CPXM2: variants seen among roughly 807,000 people sequenced by gnomAD.
The protein encoded by CPXM2 is inactive carboxypeptidase-like protein X2.
In CPXM2, 66 loss-of-function variants were observed where a neutral mutation model predicts 86.1. The ratio of observed to expected loss-of-function variants is 0.77; its 90% CI spans 0.63 to 0.94. CPXM2 has a LOEUF of 0.94. Among genes scored for constraint, CPXM2 ranks in the 40% least tolerant of loss-of-function variants. The pLI is 0.00. For missense variants in CPXM2, 948 were observed against 1,026.3 expected (o/e 0.92, Z 1.04); for synonymous variants, 388 against 400.2 (o/e 0.97, Z 0.36).
At chr10:123,764,650 C>T (rs564930735) in intron 10 of CPXM2, among the ~76,000 whole-genome samples, 30 of 152,172 alleles carry the variant, frequency 2.0e-4, no homozygotes, top group African/African-American at 6.7e-4. Context: ...CCATGCCTGG[C>T]TAATTTTTGT....
chr10:123,853,250 T>C (rs1184794056), intron 3 of CPXM2, among the ~76,000 whole-genome samples: 2 of 152,240 alleles, frequency 1.3e-5, no homozygotes, highest in Non-Finnish European at 2.9e-5. Context: ...CAATGTTTCC[T>C]GTACAGCCTA....
rs773882517 is a variant in CPXM2, at chr10:123,882,701, C to A, written c.305-2392G>T. ...ATGGAACAGGCAGTGAGAGAGGGAG[C>A]CAGGCGGTCCCCCAGCACTATGGCC... On this transcript the variant is annotated intron_variant, in intron 1 of 13. Coordinates refer to ENST00000241305, the MANE Select transcript of CPXM2 (RefSeq NM_198148.3). Among the ~76,000 whole-genome samples, 5 of 152,238 alleles carry A rather than the reference C, an allele frequency of 3.3e-5. No individual in the cohort carries two copies. In the South Asian group the frequency reaches 8.3e-4, roughly 25 times the overall value.
chr10:123,920,510 A>G (rs1011436156), intron 2 of CPXM2, among the ~76,000 whole-genome samples: 1 of 152,238 alleles, frequency 6.6e-6, no homozygotes, highest in African/African-American at 2.4e-5. Flanking sequence ...ATTATGTCCA[A>G]AAATACTATG....
At chr10:123,774,314 G>C (rs575543250) in intron 7 of CPXM2, among the ~76,000 whole-genome samples, 24 of 152,230 alleles carry the variant, frequency 1.6e-4, no homozygotes, top group Non-Finnish European at 2.5e-4. Context: ...GTGGAACTGA[G>C]TGCGTTCTAG....
intron 4 of CPXM2, among the ~76,000 whole-genome samples, chr10:123,808,365 CA>C (rs1310822401): frequency 7.3e-6 from 1 of 136,900 alleles, no homozygotes; most frequent in East Asian, 2.0e-4. Context: ...ACAAAAACAA[CA>C]ACAACAACAA....
At chr10:123,916,968 T>C (rs941204969) in intron 2 of CPXM2, among the ~76,000 whole-genome samples, 2 of 151,674 alleles carry the variant, frequency 1.3e-5, no homozygotes, top group African/African-American at 4.8e-5. Flanking sequence ...ATTCCAGTTG[T>C]TTGCTGGAGG....
Position 123,746,509 on chromosome 10 carries a change from G to A in CPXM2, c.*255C>T. The A allele has an allele frequency of 2.0e-6, 1 of 512,088 alleles. No individual in the cohort carries two copies. Among genetic ancestry groups the A allele is most frequent in the Non-Finnish European group, 3.5e-6 (1 of 289,752 alleles). 31.7% of individuals were successfully genotyped at this position (512,088 alleles called of 1,614,324 possible). ...CCTTCTCTCTCTGATTCCCAGGTTG[G>A]CTTGCTGAGTTCTCTCACTCCCATC... On this transcript the variant is annotated 3_prime_UTR_variant, in exon 14 of 14. Transcript: ENST00000241305.
At position 123,794,005 on chromosome 10, in the gene CPXM2, A is replaced by G. The variant is rs193299327; in HGVS notation, c.889+3971T>C. On this transcript the variant is annotated intron_variant, in intron 6 of 13. Transcript: ENST00000241305. ...GACAGGCGGTGGCCTTACAATTAAAATAGCTTTTCAATAATTATGAACCAG... is the reference window on the plus strand; with the variant it reads ...GACAGGCGGTGGCCTTACAATTAAAGTAGCTTTTCAATAATTATGAACCAG... Among the ~76,000 whole-genome samples the G allele has an allele frequency of 2.6e-3, 393 of 152,368 alleles. 4 individuals carry two copies. The Middle Eastern group carries it at 0.027, about 11-fold the overall frequency.
At chr10:123,867,679 C>T (rs971006933) in intron 2 of CPXM2, among the ~76,000 whole-genome samples, 2 of 151,998 alleles carry the variant, frequency 1.3e-5, no homozygotes, top group African/African-American at 4.8e-5. Context: ...ATTATAGGCG[C>T]CTGCAACCAT....
chr10:123,891,367 G>A lies in CPXM2; in HGVS notation c.293C>T (p.Pro98Leu). Residue 98 changes from proline to leucine, a missense_variant, in exon 1 of 14, where the codon CCG becomes CTG. Pro to Leu is a moderately conservative substitution (Grantham distance 98). Transcript: ENST00000241305. The surrounding 1 kb of genome is among the most constrained non-coding windows in gnomAD (Gnocchi z 5.6). ...AGAAAGTTCCTTACCTGGTGGAGGC[G>A]GCTCCGGAGCCGACTTCTCCCTCTT... ...APKREKSAPE[P>L]PPPGKHSNKK... The A allele has an allele frequency of 6.4e-7, 1 of 1,551,148 alleles. No homozygotes were observed. Among genetic ancestry groups the A allele is most frequent in the South Asian group, 1.2e-5 (1 of 83,600 alleles).
intron 6 of CPXM2, among the ~76,000 whole-genome samples, chr10:123,791,687 G>A (rs1412818048): frequency 6.6e-6 from 1 of 152,192 alleles, no homozygotes; most frequent in East Asian, 1.9e-4. Context: ...GATAACATTT[G>A]TAAAGACCCT....
intron 1 of CPXM2, among the ~76,000 whole-genome samples, chr10:123,889,134 A>C (rs1217210482): frequency 6.6e-6 from 1 of 152,166 alleles, no homozygotes; most frequent in Non-Finnish European, 1.5e-5. Flanking sequence ...GACTAAAGAG[A>C]GTCACTTCCC....
intron 4 of CPXM2, among the ~76,000 whole-genome samples, chr10:123,812,573 A>T (rs1376025942): frequency 1.3e-5 from 2 of 152,138 alleles, no homozygotes; most frequent in Admixed American, 1.3e-4. Context: ...GGGGTCCCCA[A>T]CCCCTGGACC....
At chr10:123,842,291 AC>A (rs1848402117) in intron 4 of CPXM2, 57 bp downstream of exon 4, 5 of 1,607,372 alleles carry the variant, frequency 3.1e-6, no homozygotes, top group Non-Finnish European at 4.3e-6. Flanking sequence ...GTCTGTCCAG[AC>A]CCTCAAAAGC....
At chr10:123,821,534 T>C (rs976824961) in intron 4 of CPXM2, among the ~76,000 whole-genome samples, 5 of 152,188 alleles carry the variant, frequency 3.3e-5, no homozygotes, top group Non-Finnish European at 7.3e-5. Flanking sequence ...ACCACGTAAG[T>C]GTGTTCCCAC....
intron 4 of CPXM2, among the ~76,000 whole-genome samples, chr10:123,815,824 A>G (rs549896871): frequency 1.3e-5 from 2 of 152,248 alleles, no homozygotes; most frequent in East Asian, 3.9e-4. Context: ...TTTCTAATTT[A>G]TATACACAGA....
At chr10:123,751,635 G>A (rs1232038260) in intron 13 of CPXM2, 5 of 985,362 alleles carry the variant, frequency 5.1e-6, no homozygotes, top group Non-Finnish European at 4.8e-6. Flanking sequence ...CTAACTCAAA[G>A]CATTCCTACC....
chr10:123,933,338 C>CA (rs1169054546), intron 2 of CPXM2, among the ~76,000 whole-genome samples: 3 of 152,150 alleles, frequency 2.0e-5, no homozygotes, highest in Non-Finnish European at 4.4e-5. Flanking sequence ...GATCCTTTGA[C>CA]GGCAGTGGGG....
chr10:123,937,799 A>C (rs1945736765), intron 2 of CPXM2, among the ~76,000 whole-genome samples: 1 of 152,104 alleles, frequency 6.6e-6, no homozygotes, highest in Admixed American at 6.5e-5. Context: ...GATCTTTCTA[A>C]AATCAAAGCC....
Sources: gnomAD v4.1 joint callset for allele counts (sites outside exome capture counted in the v4.1 genomes callset) on GRCh38, gnomAD v4.1.1 for gene constraint, Gnocchi (gnomAD v3.1) non-coding constraint, MANE v1.5 for transcripts, NCBI Gene and HGNC (gene_info 2026-07-23, HGNC 2026-07-21) for gene names.